Variants in VAT1L observed in about 807,000 individuals in gnomAD.
VAT1L encodes putative NADPH-dependent quinone oxidoreductase VAT1L.
VAT1L carries 34 observed loss-of-function variants against 44.1 expected under a neutral mutation model. The observed-to-expected ratio is 0.77, with a 90% CI of 0.59 to 1.03. The LOEUF is 1.03. Ranked by LOEUF, VAT1L falls within the 50% of genes least tolerant of loss-of-function variation. VAT1L has a pLI of 0.00. For missense variants in VAT1L, 615 were observed against 538.8 expected (o/e 1.14, Z -1.40); for synonymous variants, 253 against 202.2 (o/e 1.25, Z -2.13).
At chr16:77,827,704 T>C (rs1422215817) in intron 3 of VAT1L, among the ~76,000 whole-genome samples, 1 of 152,226 alleles carries the variant, frequency 6.6e-6, no homozygotes, top group African/African-American at 2.4e-5. Flanking sequence ...GAACTAGTGT[T>C]CATTTGATTG....
chr16:77,823,086 C>G (rs140680851), intron 2 of VAT1L, among the ~76,000 whole-genome samples: 1 of 152,126 alleles, frequency 6.6e-6, no homozygotes, highest in Non-Finnish European at 1.5e-5. Context: ...CCTCTGGATC[C>G]TGTTCCAGAC....
chr16:77,844,597 C>T (rs542483120), intron 3 of VAT1L, among the ~76,000 whole-genome samples: 8 of 152,040 alleles, frequency 5.3e-5, no homozygotes, highest in East Asian at 1.9e-4. Flanking sequence ...TTATTAGAAA[C>T]GAGGTTTCCC....
chr16:77,856,220 C>G (rs1347200023), intron 3 of VAT1L, among the ~76,000 whole-genome samples: 2 of 152,128 alleles, frequency 1.3e-5, no homozygotes, highest in African/African-American at 4.8e-5. Flanking sequence ...GATTGTTTTT[C>G]CTTGTGGTCA....
intron 7 of VAT1L, among the ~76,000 whole-genome samples, chr16:77,965,253 C>T (rs555294951): frequency 4.6e-5 from 7 of 152,214 alleles, no homozygotes; most frequent in South Asian, 4.1e-4. Context: ...AATGAGTGAA[C>T]GAATGAGTAG....
chr16:77,932,731 C>T (rs2017746791), intron 7 of VAT1L, among the ~76,000 whole-genome samples: 2 of 152,204 alleles, frequency 1.3e-5, no homozygotes, highest in South Asian at 4.1e-4. Context: ...GAGATCCACT[C>T]ATTTGTGCTG....
At chr16:77,880,348 C>A (rs145478868) in intron 6 of VAT1L, among the ~76,000 whole-genome samples, 1 of 152,100 alleles carries the variant, frequency 6.6e-6, no homozygotes, top group African/African-American at 2.4e-5. Context: ...TTGGTAGAGA[C>A]AAGGTTTCAC....
intron 7 of VAT1L, among the ~76,000 whole-genome samples, chr16:77,920,105 AC>A (rs1469772826): frequency 6.6e-6 from 1 of 152,096 alleles, no homozygotes; most frequent in Non-Finnish European, 1.5e-5. Flanking sequence ...ATAAAATCAA[AC>A]CGTATCCGGA....
intron 8 of VAT1L, among the ~76,000 whole-genome samples, chr16:77,975,623 G>A (rs368786819): frequency 6.6e-6 from 1 of 152,214 alleles, no homozygotes; most frequent in African/African-American, 2.4e-5. Flanking sequence ...GCAGCACCCA[G>A]GCAGGGGAAG....
At chr16:77,792,608 G>A (rs961768055) in intron 1 of VAT1L, among the ~76,000 whole-genome samples, 3 of 152,002 alleles carry the variant, frequency 2.0e-5, no homozygotes, top group Non-Finnish European at 4.4e-5. Context: ...AGCCTCTCAA[G>A]CAGAAGTGGC....
intron 4 of VAT1L, among the ~76,000 whole-genome samples, chr16:77,875,932 C>T (rs1295443434): frequency 6.6e-6 from 1 of 150,554 alleles, no homozygotes; most frequent in Non-Finnish European, 1.5e-5. Flanking sequence ...GCACCTTGAA[C>T]AGAACCAGGC....
chr16:77,817,003 T>A lies in VAT1L; in HGVS notation c.316T>A (p.Cys106Ser), dbSNP rs748272700. The change falls in exon 2 of 9, where the codon TGT becomes AGT. Residue 106 changes from cysteine (C) to serine (S), a missense_variant. Transcript: ENST00000302536. ...PKTPLVPGFE[C>S]SGIVEALGDS... is the part of the protein sequence containing the mutation. ...GACTCCCCTGGTGCCAGGATTTGAG[T>A]GTTCTGGGATTGTTGAAGCTCTGGG... 1.2e-6 allele frequency: 2 copies of A among 1,613,864 alleles called. No individual in the cohort carries two copies. The highest frequency in any genetic ancestry group is 1.7e-6 in the Non-Finnish European group (2 of 1,179,912).
intron 7 of VAT1L, among the ~76,000 whole-genome samples, chr16:77,895,350 TATTTG>T (rs5818096): frequency 0.9 from 136,520 of 151,902 alleles, 61,846 homozygotes; most frequent in Non-Finnish European, 0.95. Flanking sequence ...ATCCCTAGAA[TATTTG>T]AACATGTTAC....
intron 3 of VAT1L, among the ~76,000 whole-genome samples, chr16:77,848,589 A>G (rs1415719359): frequency 6.6e-6 from 1 of 152,126 alleles, no homozygotes; most frequent in Non-Finnish European, 1.5e-5. Flanking sequence ...CCTTCAGGAG[A>G]CACGGTTACC....
chr16:77,977,822 T>C lies in VAT1L; in HGVS notation c.*127T>C, dbSNP rs1007942549. 2.6e-5 allele frequency: 24 copies of C among 926,796 alleles called. No individual in the cohort carries two copies. The African/African-American group carries it at 3.5e-4, about 13-fold the overall frequency. The allele number at this position is 926,796 out of a possible 1,614,324, so 57.4% of individuals were successfully genotyped here. Reference sequence around the variant, plus strand: ...CGTGTCGTGTTTGTCTGCAGTCAGCTGAGCTAAAAAGCTGTTGATCACTGT... The same window carrying C: ...CGTGTCGTGTTTGTCTGCAGTCAGCCGAGCTAAAAAGCTGTTGATCACTGT... On this transcript the variant is annotated 3_prime_UTR_variant, in exon 9 of 9. Transcript: ENST00000302536.
intron 7 of VAT1L, among the ~76,000 whole-genome samples, chr16:77,933,705 G>A (rs2017758860): frequency 6.6e-6 from 1 of 152,186 alleles, no homozygotes; most frequent in Non-Finnish European, 1.5e-5. Context: ...CTGGAAGGAG[G>A]GGGATTAACA....
intron 7 of VAT1L, among the ~76,000 whole-genome samples, chr16:77,930,509 G>A (rs73566789): frequency 0.015 from 2,343 of 152,168 alleles, 57 homozygotes; most frequent in African/African-American, 0.053. Context: ...ATAACCCCTC[G>A]CTGAATCAAA....
intron 6 of VAT1L, among the ~76,000 whole-genome samples, chr16:77,881,242 G>C (rs904503491): frequency 6.6e-6 from 1 of 152,174 alleles, no homozygotes; most frequent in Non-Finnish European, 1.5e-5. Context: ...CCAGTGCAGC[G>C]TCAATTGATC....
At chr16:77,955,647 C>T (rs984409965) in intron 7 of VAT1L, among the ~76,000 whole-genome samples, 1 of 151,382 alleles carries the variant, frequency 6.6e-6, no homozygotes, top group Non-Finnish European at 1.5e-5. Context: ...ATCTCTTGAA[C>T]CTGGGAAGTG....
intron 3 of VAT1L, among the ~76,000 whole-genome samples, chr16:77,852,870 G>A (rs2016821164): frequency 6.6e-6 from 1 of 152,152 alleles, no homozygotes. Flanking sequence ...ACTTCTCTGT[G>A]CTTCGGTTCT....
Sources: allele counts gnomAD v4.1 joint callset (sites outside exome capture counted in the v4.1 genomes callset), GRCh38; gene constraint gnomAD v4.1.1; transcripts MANE v1.5; gene names NCBI Gene and HGNC (gene_info 2026-07-23, HGNC 2026-07-21).